ZBTB20: variants seen among roughly 807,000 people sequenced by gnomAD.
The protein encoded by ZBTB20 is zinc finger and BTB domain-containing protein 20.
ZBTB20 carries 9 observed loss-of-function variants against 56.9 expected under a neutral mutation model. The observed-to-expected ratio is 0.16, with a 90% CI of 0.10 to 0.28. The LOEUF is 0.28. Ranked by LOEUF, ZBTB20 falls within the 10% of genes least tolerant of loss-of-function variation. The probability of loss-of-function intolerance (pLI) is 1.00; values close to 1 mark genes in which losing one functional copy is unlikely to be tolerated. For synonymous variants in ZBTB20, 417 were observed against 420.7 expected, an observed-to-expected ratio of 0.99 and a Z score of 0.11; for missense variants, 655 against 1,003.0, an observed-to-expected ratio of 0.65 and a Z score of 4.69.
At chr3:114,689,550 A>T (rs1043728344) in intron 6 of ZBTB20, among the ~76,000 whole-genome samples, 2 of 152,176 alleles carry the variant, frequency 1.3e-5, no homozygotes, top group Non-Finnish European at 2.9e-5. Context: ...TAGCACCAAG[A>T]GCCAAAGAGG....
intron 1 of ZBTB20, among the ~76,000 whole-genome samples, chr3:115,111,616 A>G (rs766559264): frequency 7.2e-5 from 11 of 152,196 alleles, no homozygotes; most frequent in African/African-American, 2.2e-4. Flanking sequence ...ACAATAAAAC[A>G]ATAGATATTA....
At chr3:114,774,546 G>C (rs1323605707) in intron 5 of ZBTB20, among the ~76,000 whole-genome samples, 1 of 152,104 alleles carries the variant, frequency 6.6e-6, no homozygotes, top group African/African-American at 2.4e-5. Context: ...TTTGTAAGGA[G>C]ATACCATAAT....
chr3:114,813,630 A>G (rs968860579), intron 4 of ZBTB20, among the ~76,000 whole-genome samples: 2 of 152,222 alleles, frequency 1.3e-5, no homozygotes, highest in African/African-American at 2.4e-5. Context: ...GCATACCTGT[A>G]GTCCCAGCTA....
At chr3:114,962,274 T>G (rs1198827223) in intron 3 of ZBTB20, among the ~76,000 whole-genome samples, 1 of 152,088 alleles carries the variant, frequency 6.6e-6, no homozygotes, top group African/African-American at 2.4e-5. Context: ...AAACTGTGGT[T>G]TAATACAACA....
intron 6 of ZBTB20, among the ~76,000 whole-genome samples, chr3:114,522,452 ATGT>A: frequency 6.6e-6 from 1 of 152,270 alleles, no homozygotes; most frequent in Admixed American, 6.5e-5. Context: ...TCCAAGTGAG[ATGT>A]TGAGCCATTA....
intron 5 of ZBTB20, among the ~76,000 whole-genome samples, chr3:114,716,583 C>T (rs898843079): frequency 5.3e-5 from 8 of 152,234 alleles, no homozygotes; most frequent in Non-Finnish European, 5.9e-5. Flanking sequence ...TATTTGCCTC[C>T]TACCTTTTTG....
intron 7 of ZBTB20, among the ~76,000 whole-genome samples, chr3:114,447,980 GAAGTAGA>G (rs1489057044): frequency 1.3e-5 from 2 of 152,146 alleles, no homozygotes; most frequent in Non-Finnish European, 2.9e-5. Context: ...CCATCCCTTG[GAAGTAGA>G]AAGTCATTGG....
At chr3:114,670,719 G>A (rs536406793) in intron 6 of ZBTB20, among the ~76,000 whole-genome samples, 110 of 152,124 alleles carry the variant, frequency 7.2e-4, no homozygotes, top group African/African-American at 2.5e-3. Context: ...TTGCTCTAGA[G>A]AAAAACATAA....
intron 4 of ZBTB20, among the ~76,000 whole-genome samples, chr3:114,816,205 A>G (rs1260805926): frequency 6.6e-6 from 1 of 152,222 alleles, no homozygotes; most frequent in Non-Finnish European, 1.5e-5. Flanking sequence ...GTTAATACGG[A>G]AATACACAAT....
At chr3:114,476,239 C>T (rs2040750957) in intron 7 of ZBTB20, among the ~76,000 whole-genome samples, 1 of 152,136 alleles carries the variant, frequency 6.6e-6, no homozygotes, top group Admixed American at 6.6e-5. Context: ...AGTTGAACAT[C>T]TAGCTTATTT....
At chr3:115,016,405 T>G (rs961207584) in intron 2 of ZBTB20, among the ~76,000 whole-genome samples, 1 of 151,974 alleles carries the variant, frequency 6.6e-6, no homozygotes, top group African/African-American at 2.4e-5. Flanking sequence ...ACATCCTGAC[T>G]GGTATTGTCA....
At position 114,945,134 on chromosome 3, in the gene ZBTB20, C is replaced by T. The variant is rs746875767; in HGVS notation, c.-456+29232G>A. ...AAAGTAAAATAAAAATAAAGCAAAA[C>T]ATATATATACACAAAAAAGTAAATA... On this transcript the variant is annotated intron_variant, in intron 3 of 11. Transcript: ENST00000675478. Among the ~76,000 whole-genome samples, 13 of 144,834 alleles carry T rather than the reference C, an allele frequency of 9.0e-5. 2 individuals are homozygous for T. The highest frequency in any genetic ancestry group is 3.3e-4 in the Admixed American group (5 of 14,990).
At chr3:114,592,976 G>C (rs2055931910) in intron 6 of ZBTB20, among the ~76,000 whole-genome samples, 1 of 152,158 alleles carries the variant, frequency 6.6e-6, no homozygotes, top group African/African-American at 2.4e-5. Flanking sequence ...GTCCATGACG[G>C]CTGTTTAAAT....
intron 5 of ZBTB20, among the ~76,000 whole-genome samples, chr3:114,736,640 T>C (rs968925868): frequency 2.6e-5 from 4 of 152,146 alleles, no homozygotes; most frequent in East Asian, 3.9e-4. Flanking sequence ...CTGGGACTAA[T>C]GGTTATCAAA....
intron 8 of ZBTB20, among the ~76,000 whole-genome samples, chr3:114,381,260 C>T (rs1233636838): frequency 2.0e-5 from 3 of 152,070 alleles, no homozygotes; most frequent in East Asian, 1.9e-4. Context: ...TTTGGTGCAT[C>T]GTCCTGGAGT....
chr3:115,033,327 CT>C (rs1221319087), intron 2 of ZBTB20, among the ~76,000 whole-genome samples: 1 of 151,444 alleles, frequency 6.6e-6, no homozygotes, highest in Non-Finnish European at 1.5e-5. Flanking sequence ...AATAGAAAAT[CT>C]GAATAGACCT....
intron 5 of ZBTB20, among the ~76,000 whole-genome samples, chr3:114,740,026 G>T (rs967901645): frequency 1.3e-5 from 2 of 152,186 alleles, no homozygotes; most frequent in Non-Finnish European, 2.9e-5. Flanking sequence ...CGTTTAAAAT[G>T]GCAATGATAA....
intron 6 of ZBTB20, among the ~76,000 whole-genome samples, chr3:114,554,572 A>G (rs1422404255): frequency 6.6e-6 from 1 of 152,194 alleles, no homozygotes; most frequent in Non-Finnish European, 1.5e-5. Flanking sequence ...ACAAAAAACA[A>G]TAAATTATTC....
intron 5 of ZBTB20, among the ~76,000 whole-genome samples, chr3:114,768,507 T>C (rs1329319300): frequency 2.0e-5 from 3 of 152,016 alleles, no homozygotes; most frequent in African/African-American, 7.2e-5. Flanking sequence ...ATCAGACATA[T>C]AGGAAATTAC....
Sources: gnomAD v4.1 joint callset for allele counts (sites outside exome capture counted in the v4.1 genomes callset) on GRCh38, gnomAD v4.1.1 for gene constraint, MANE v1.5 for transcripts, NCBI Gene and HGNC (gene_info 2026-07-23, HGNC 2026-07-21) for gene names.